Variants in ZFHX3 observed in about 807,000 individuals in gnomAD.
ZFHX3 encodes the protein zinc finger homeobox protein 3.
ZFHX3 carries 42 observed loss-of-function variants against 279.1 expected under a neutral mutation model. The ratio of observed to expected loss-of-function variants is 0.15; its 90% CI spans 0.12 to 0.19. The LOEUF (loss-of-function observed/expected upper bound fraction) is 0.19, where lower values mean the gene tolerates loss of function less well. ZFHX3 is among the 10% of genes least tolerant of loss of function. ZFHX3 has a pLI of 1.00. For synonymous variants in ZFHX3, 2,293 were observed against 1,957.8 expected (o/e 1.17, Z -4.52); for missense variants, 4,981 against 4,754.0 (o/e 1.05, Z -1.40).
intron 2 of ZFHX3, among the ~76,000 whole-genome samples, chr16:73,563,168 T>TG (rs1287334972): frequency 2.4e-4 from 32 of 134,832 alleles, no homozygotes; most frequent in African/African-American, 7.5e-4. Context: ...TTTTTTGTTT[T>TG]GTTGTGTGTG....
At chr16:73,350,770 G>A (rs2016226695) in intron 3 of ZFHX3, among the ~76,000 whole-genome samples, 2 of 152,224 alleles carry the variant, frequency 1.3e-5, no homozygotes, top group South Asian at 2.1e-4. Flanking sequence ...CTACTCAAGG[G>A]ACACTGGCTG....
intron 1 of ZFHX3, among the ~76,000 whole-genome samples, chr16:73,754,124 G>C (rs1301996869): frequency 6.6e-6 from 1 of 151,932 alleles, no homozygotes; most frequent in African/African-American, 2.4e-5. Context: ...CAGACAGCTA[G>C]GAACACAGTA....
At chr16:73,708,094 T>G (rs1381391575) in intron 1 of ZFHX3, among the ~76,000 whole-genome samples, 2 of 151,172 alleles carry the variant, frequency 1.3e-5, no homozygotes, top group African/African-American at 2.4e-5. Context: ...GGGGGAAGTA[T>G]TTACAATTAT....
chr16:72,966,211 C>G (rs1213855466), intron 1 of ZFHX3, among the ~76,000 whole-genome samples: 1 of 151,994 alleles, frequency 6.6e-6, no homozygotes, highest in Non-Finnish European at 1.5e-5. Context: ...GCAGAGCACA[C>G]CAGACTCGAG....
chr16:73,547,956 G>A (rs1198078996), intron 2 of ZFHX3, among the ~76,000 whole-genome samples: 2 of 152,166 alleles, frequency 1.3e-5, no homozygotes, highest in African/African-American at 4.8e-5. Flanking sequence ...AGCAAATAAA[G>A]ATTTACCCAA....
At chr16:73,680,880 T>C (rs1310119837) in intron 1 of ZFHX3, among the ~76,000 whole-genome samples, 1 of 152,204 alleles carries the variant, frequency 6.6e-6, no homozygotes, top group Non-Finnish European at 1.5e-5. Flanking sequence ...GTGGAAACCA[T>C]TATTCATATA....
intron 3 of ZFHX3, among the ~76,000 whole-genome samples, chr16:73,394,625 C>T (rs192192858): frequency 5.5e-4 from 83 of 152,184 alleles, no homozygotes; most frequent in African/African-American, 1.6e-3. Flanking sequence ...TAATACTTTA[C>T]ATGAACAGAG....
chr16:73,279,997 G>A (rs1221350502), intron 4 of ZFHX3, among the ~76,000 whole-genome samples: 7 of 152,244 alleles, frequency 4.6e-5, no homozygotes, highest in Admixed American at 4.6e-4. Context: ...TTTAACAAGA[G>A]TACCAAGAAT....
chr16:73,116,156 A>G, intron 7 of ZFHX3, among the ~76,000 whole-genome samples: 1 of 151,218 alleles, frequency 6.6e-6, no homozygotes, highest in East Asian at 1.9e-4. Flanking sequence ...CTCTGCTTCC[A>G]CTGCTTCATC....
chr16:72,928,474 G>A (rs1275458780), intron 3 of ZFHX3, among the ~76,000 whole-genome samples: 1 of 151,984 alleles, frequency 6.6e-6, no homozygotes, highest in East Asian at 1.9e-4. Flanking sequence ...GCTGTTCTCT[G>A]GCAGCACCCG....
chr16:73,360,274 C>A (rs1262109006), intron 3 of ZFHX3, among the ~76,000 whole-genome samples: 1 of 152,200 alleles, frequency 6.6e-6, no homozygotes, highest in Non-Finnish European at 1.5e-5. Context: ...ATCACAACCA[C>A]CCAATGAGGA....
intron 1 of ZFHX3, among the ~76,000 whole-genome samples, chr16:73,767,394 T>C (rs145638092): frequency 0.016 from 2,408 of 152,264 alleles, 61 homozygotes; most frequent in African/African-American, 0.054. Context: ...TGAGGAAAAG[T>C]GATGAGGACC....
rs767126040 is a variant in ZFHX3, at chr16:72,788,754, G to A, written c.9522C>T (p.Ser3174=). 1 of 1,579,308 alleles carries A rather than the reference G, an allele frequency of 6.3e-7. No homozygotes were observed. The highest frequency in any genetic ancestry group is 1.8e-5 in the Admixed American group (1 of 55,606). ...LPTSGLPNKP[S]SASLSSPTPA... The stretch of plus-strand genomic sequence containing the variant: ...GGGTTGGGGAGCTCAGCGACGCTGA[G>A]GACGGTTTATTTGGTAATCCAGAAG... Residue 3174 remains serine (S), a synonymous_variant, in exon 10 of 10, where the codon TCC becomes TCT. Transcript: ENST00000268489.
intron 3 of ZFHX3, among the ~76,000 whole-genome samples, chr16:73,350,112 G>C (rs577502214): frequency 6.6e-6 from 1 of 151,974 alleles, no homozygotes. Context: ...ACAGTTTGAG[G>C]GAGGATGCTG....
At chr16:72,821,354 G>A (rs1358780695) in intron 5 of ZFHX3, among the ~76,000 whole-genome samples, 2 of 152,110 alleles carry the variant, frequency 1.3e-5, no homozygotes, top group African/African-American at 4.8e-5. Flanking sequence ...ACATCTCTTG[G>A]CATTTTGTAC....
chr16:73,366,877 G>T (rs764305719), intron 3 of ZFHX3, among the ~76,000 whole-genome samples: 1 of 152,108 alleles, frequency 6.6e-6, no homozygotes, highest in African/African-American at 2.4e-5. Context: ...TTCATTTTTG[G>T]TTGGGATTCT....
chr16:73,679,578 G>C (rs968555837), intron 2 of ZFHX3: 1 of 151,990 alleles, frequency 6.6e-6, no homozygotes, highest in African/African-American at 2.4e-5. Flanking sequence ...CAATTTTCTG[G>C]TGAGTGAATT....
intron 2 of ZFHX3, among the ~76,000 whole-genome samples, chr16:73,622,279 C>T (rs1049814365): frequency 2.6e-5 from 4 of 152,194 alleles, no homozygotes; most frequent in African/African-American, 9.6e-5. Flanking sequence ...GAATATGGGG[C>T]CGGGCACAGG....
chr16:72,866,429 G>T (rs1044757633), intron 4 of ZFHX3, among the ~76,000 whole-genome samples: 2 of 152,182 alleles, frequency 1.3e-5, no homozygotes, highest in Non-Finnish European at 2.9e-5. Context: ...CAAACATGTA[G>T]ACATTTTTTT....
Sources: gnomAD v4.1 joint callset for allele counts (sites outside exome capture counted in the v4.1 genomes callset) on GRCh38, gnomAD v4.1.1 for gene constraint, MANE v1.5 for transcripts, NCBI Gene and HGNC (gene_info 2026-07-23, HGNC 2026-07-21) for gene names.